The following ELMOD1 variants were observed in gnomAD, a reference collection of about 807,000 sequenced individuals.
ELMOD1 encodes ELMO domain-containing protein 1.
In ELMOD1, 21 loss-of-function variants were observed where a neutral mutation model predicts 46.7. The ratio of observed to expected loss-of-function variants is 0.45; its 90% CI spans 0.32 to 0.65. The LOEUF is 0.65. Among genes scored for constraint, ELMOD1 ranks in the 30% least tolerant of loss-of-function variants. The pLI is 0.04. For missense variants in ELMOD1, 348 were observed against 407.8 expected, an observed-to-expected ratio of 0.85 and a Z score of 1.26; for synonymous variants, 122 against 138.2, an observed-to-expected ratio of 0.88 and a Z score of 0.82.
chr11:107,591,811 C>T (rs1253888130), intron 1 of ELMOD1: 2 of 470,460 alleles, frequency 4.3e-6, no homozygotes, highest in African/African-American at 2.0e-5. Flanking sequence ...GTCTGGGTCC[C>T]TGGGAACCCC....
At chr11:107,633,726 C>T (rs1233223206) in intron 5 of ELMOD1, among the ~76,000 whole-genome samples, 10 of 152,114 alleles carry the variant, frequency 6.6e-5, no homozygotes, top group African/African-American at 2.4e-4. Flanking sequence ...ACACCGCACC[C>T]GGCCAGAGAA....
chr11:107,626,847 A>G (rs1866052767), intron 2 of ELMOD1, among the ~76,000 whole-genome samples: 1 of 152,136 alleles, frequency 6.6e-6, no homozygotes, highest in African/African-American at 2.4e-5. Flanking sequence ...TGATTTAGGG[A>G]CTTAAATAGG....
intron 1 of ELMOD1, among the ~76,000 whole-genome samples, chr11:107,610,332 T>C (rs1201457541): frequency 2.0e-5 from 3 of 152,188 alleles, no homozygotes; most frequent in Non-Finnish European, 4.4e-5. Flanking sequence ...AATTTTTCTA[T>C]ATGTAACTAA....
At chr11:107,649,710 A>G (rs1866493044) in intron 7 of ELMOD1, among the ~76,000 whole-genome samples, 1 of 152,244 alleles carries the variant, frequency 6.6e-6, no homozygotes, top group African/African-American at 2.4e-5. Flanking sequence ...ATATACACAC[A>G]TCACATTAAA....
chr11:107,604,542 CT>C (rs1428410517), intron 1 of ELMOD1, among the ~76,000 whole-genome samples: 2 of 152,108 alleles, frequency 1.3e-5, no homozygotes, highest in Non-Finnish European at 2.9e-5. Context: ...TTCTAAGATA[CT>C]TTTTTCCCCC....
chr11:107,639,842 C>T (rs968228484), intron 6 of ELMOD1, among the ~76,000 whole-genome samples: 1 of 152,094 alleles, frequency 6.6e-6, no homozygotes, highest in African/African-American at 2.4e-5. Context: ...TGAGTGGATT[C>T]CTTAGAGTCC....
intron 1 of ELMOD1, among the ~76,000 whole-genome samples, chr11:107,614,572 C>T (rs768565048): frequency 1.2e-4 from 18 of 152,012 alleles, no homozygotes; most frequent in African/African-American, 1.7e-4. Context: ...CTCCTGACCT[C>T]GTGATCCACC....
intron 11 of ELMOD1, among the ~76,000 whole-genome samples, chr11:107,663,300 A>G (rs556899330): frequency 1.3e-5 from 2 of 152,236 alleles, no homozygotes; most frequent in East Asian, 1.9e-4. Flanking sequence ...AGAAATGTTA[A>G]AAACAGTCAA....
At chr11:107,606,382 TC>T (rs1325011327) in intron 1 of ELMOD1, among the ~76,000 whole-genome samples, 1 of 152,216 alleles carries the variant, frequency 6.6e-6, no homozygotes, top group Non-Finnish European at 1.5e-5. Flanking sequence ...CCATCTGTGC[TC>T]TTGCCTGATG....
chr11:107,597,196 G>A (rs1865505926), intron 1 of ELMOD1, among the ~76,000 whole-genome samples: 1 of 152,118 alleles, frequency 6.6e-6, no homozygotes, highest in Non-Finnish European at 1.5e-5. Context: ...GAATTTGGAT[G>A]ACAATCAGGA....
intron 1 of ELMOD1, among the ~76,000 whole-genome samples, chr11:107,599,760 G>GAAAAAAAAAAAA (rs1389152842): frequency 8.8e-6 from 1 of 113,142 alleles, no homozygotes; most frequent in Admixed American, 9.0e-5. Context: ...AAGAAAAAAA[G>GAAAAAAAAAAAA]AAAAGAAAAA....
chr11:107,650,021 C>T (rs1343869170), intron 7 of ELMOD1, among the ~76,000 whole-genome samples: 1 of 152,172 alleles, frequency 6.6e-6, no homozygotes, highest in Non-Finnish European at 1.5e-5. Flanking sequence ...AACTATTCGA[C>T]CTCCTCTTCT....
rs549316928 is a variant in ELMOD1 at position 107,649,562 on chromosome 11, G to A, written c.555-773G>A. Among the ~76,000 whole-genome samples, 266 of 152,270 alleles carry A rather than the reference G, an allele frequency of 1.7e-3. 1 individual carries two copies. Among genetic ancestry groups the A allele is most frequent in the Middle Eastern group, 3.4e-3 (1 of 294 alleles). On this transcript the variant is annotated intron_variant, in intron 7 of 11. Coordinates refer to ENST00000265840, the MANE Select transcript of ELMOD1 (RefSeq NM_018712.4). ...GACGAGACATAAAAGAGGAAACCCA[G>A]ATAACTGACAAAAGTATGAAAAGAA...
chr11:107,622,076 T>C (rs1021146584), intron 2 of ELMOD1, among the ~76,000 whole-genome samples: 3 of 152,040 alleles, frequency 2.0e-5, no homozygotes, highest in African/African-American at 7.2e-5. Context: ...ACACACCACC[T>C]GGTAAGAGAC....
At chr11:107,600,307 T>C (rs1196180216) in intron 1 of ELMOD1, 1 of 152,090 alleles carries the variant, frequency 6.6e-6, no homozygotes, top group Non-Finnish European at 1.5e-5. Flanking sequence ...TTTTAGTAAA[T>C]AAATTTTTTT....
chr11:107,613,086 C>T (rs953776119), intron 1 of ELMOD1, among the ~76,000 whole-genome samples: 2 of 152,180 alleles, frequency 1.3e-5, no homozygotes, highest in African/African-American at 4.8e-5. Context: ...TCTCCCTCCC[C>T]ACAGTCATCA....
chr11:107,628,530 A>G (rs1866083122), intron 2 of ELMOD1, among the ~76,000 whole-genome samples: 1 of 150,704 alleles, frequency 6.6e-6, no homozygotes, highest in African/African-American at 2.4e-5. Context: ...TTTTAGGGCT[A>G]CTGGGTTTTG....
At chr11:107,656,920 T>A (rs1349193244) in intron 11 of ELMOD1, among the ~76,000 whole-genome samples, 1 of 152,176 alleles carries the variant, frequency 6.6e-6, no homozygotes, top group Non-Finnish European at 1.5e-5. Context: ...AAAAAGGTTG[T>A]CAAATTAACG....
chr11:107,618,724 G>T (rs1865900601), intron 2 of ELMOD1, among the ~76,000 whole-genome samples: 3 of 152,078 alleles, frequency 2.0e-5, no homozygotes, highest in African/African-American at 7.2e-5. Context: ...ATCAATTGTT[G>T]GTTCCCTGAA....
Sources: gnomAD v4.1 joint callset for allele counts (sites outside exome capture counted in the v4.1 genomes callset) on GRCh38, gnomAD v4.1.1 for gene constraint, MANE v1.5 for transcripts, NCBI Gene and HGNC (gene_info 2026-07-23, HGNC 2026-07-21) for gene names.